TOR1A: variants seen among roughly 807,000 people sequenced by gnomAD.
TOR1A encodes torsin-1A.
TOR1A carries 18 observed loss-of-function variants against 31.4 expected under a neutral mutation model. The ratio of observed to expected loss-of-function variants is 0.57; its 90% confidence interval spans 0.40 to 0.85. The LOEUF is 0.85. TOR1A is among the 40% of genes least tolerant of loss of function. TOR1A has a pLI of 0.00. For missense variants in TOR1A, 375 were observed against 416.4 expected (o/e 0.90, Z 0.87); for synonymous variants, 168 against 165.9 (o/e 1.01, Z -0.10).
At chr9:129,818,467 T>TA in intron 4 of TOR1A, 53 bp downstream of exon 4, 1 of 1,611,162 alleles carries the variant, frequency 6.2e-7, no homozygotes, top group Admixed American at 1.7e-5. Context: ...TTTTAACACT[T>TA]AGGGTGCAGG....
intron 2 of TOR1A, among the ~76,000 whole-genome samples, chr9:129,820,815 T>C (rs1588217541): frequency 6.6e-6 from 1 of 152,154 alleles, no homozygotes; most frequent in South Asian, 2.1e-4. Flanking sequence ...CCCAGGCTGG[T>C]CTGGAACTCT....
In TOR1A at chr9:129,814,135, A is replaced by T; in HGVS notation, c.836T>A (p.Met279Lys). 1 of 1,614,112 alleles carries T rather than the reference A, an allele frequency of 6.2e-7. No homozygotes were observed. The highest frequency in any genetic ancestry group is 8.5e-7 in the Non-Finnish European group (1 of 1,180,016). Residue 279 changes from methionine to lysine, a missense_variant, in exon 5 of 5, where the codon ATG becomes AAG. Coordinates refer to ENST00000351698, the MANE Select transcript of TOR1A (RefSeq NM_000113.3). ...FLPLEYKHLK[M>K]CIRVEMQSRG... is the part of the protein sequence containing the mutation. ...GGACTGCATTTCCACTCGGATACAC[A>T]TTTTTAGGTGTTTGTATTCCAGGGG... is the stretch of plus-strand genomic sequence containing the variant.
rs772242731 is a variant in TOR1A at position 129,822,721 on chromosome 9, C to T, written c.304G>A (p.Gly102Arg). 9 of 1,614,172 alleles carry T rather than the reference C, an allele frequency of 5.6e-6. No homozygotes were observed. The highest frequency in any genetic ancestry group is 3.3e-5 in the South Asian group (3 of 91,082). The change falls in exon 2 of 5, where the codon GGG becomes AGG. Residue 102 changes from glycine (G) to arginine (R), a missense_variant. Transcript: ENST00000351698. ...AAATTTTTGCCGGTGCCTGTCCACCCGTGCAGGGAGAGCGTGAGAGGTTTC... is the reference window on the plus strand; with the variant it reads ...AAATTTTTGCCGGTGCCTGTCCACCTGTGCAGGGAGAGCGTGAGAGGTTTC... ...PKKPLTLSLH[G>R]WTGTGKNFVS...
chr9:129,815,684 A>C (rs559685423), intron 4 of TOR1A, among the ~76,000 whole-genome samples: 1 of 152,232 alleles, frequency 6.6e-6, no homozygotes, highest in East Asian at 1.9e-4. Context: ...GCCTCCCTGG[A>C]GCTTCGTGGC....
At chr9:129,816,895 G>C (rs1366079274) in intron 4 of TOR1A, among the ~76,000 whole-genome samples, 1 of 152,186 alleles carries the variant, frequency 6.6e-6, no homozygotes, top group African/African-American at 2.4e-5. Flanking sequence ...ACTAACTGTA[G>C]GATTAATTTC....
At chr9:129,817,684 G>C (rs2031072859) in intron 4 of TOR1A, among the ~76,000 whole-genome samples, 1 of 141,926 alleles carries the variant, frequency 7.0e-6, no homozygotes, top group Non-Finnish European at 1.5e-5. Context: ...GGGCAACAGA[G>C]CGAGACTCCA....
chr9:129,813,832 G>C lies in TOR1A; in HGVS notation c.*140C>G. On this transcript the variant is annotated 3_prime_UTR_variant, in exon 5 of 5. Transcript: ENST00000351698. ...CACCAGGGGGTGGAAACAATGCCAG[G>C]GAGAATTCCTGTCACATCAAACAGG... 7.5e-7 allele frequency: 1 copy of C among 1,330,088 alleles called. No homozygotes were observed. The highest frequency in any genetic ancestry group is 1.1e-6 in the Non-Finnish European group (1 of 949,572). The allele number at this position is 1,330,088 out of a possible 1,614,324, so 82.4% of individuals were successfully genotyped here. A position where few individuals can be genotyped will look rare whatever the true frequency, so the allele number is the denominator to read the frequency against.
intron 1 of TOR1A, chr9:129,823,573 C>G (rs11792751): frequency 2.8e-6 from 1 of 358,004 alleles, no homozygotes; most frequent in African/African-American, 2.2e-5. Context: ...TAGCCCGGCC[C>G]TACTGCCATC....
intron 2 of TOR1A, chr9:129,822,315 A>G: frequency 4.0e-6 from 2 of 503,460 alleles, no homozygotes; most frequent in Non-Finnish European, 7.3e-6. Context: ...GATCTCTAAG[A>G]TGGATTTGAT....
intron 2 of TOR1A, among the ~76,000 whole-genome samples, chr9:129,819,930 CA>C (rs1311597597): frequency 0.014 from 1,340 of 98,152 alleles, 19 homozygotes; most frequent in African/African-American, 0.049. Context: ...GACTCCGTCT[CA>C]AAAAAAAAAA....
chr9:129,820,439 T>C (rs1351075618), intron 2 of TOR1A, among the ~76,000 whole-genome samples: 2 of 152,174 alleles, frequency 1.3e-5, no homozygotes, highest in African/African-American at 4.8e-5. Context: ...AACATTTTAC[T>C]GTGACCTCCC....
rs771740989 is a variant in TOR1A, at chr9:129,818,899, G to C, written c.466C>G (p.Arg156Gly). Residue 156 changes from arginine (R) to glycine (G), a missense_variant, in exon 3 of 5, where the codon CGA (arginine) becomes GGA (glycine). Transcript: ENST00000351698. The part of the protein sequence containing the change: ...LYKDQLQLWI[R>G]GNVSACARSI... Reference sequence around the variant, plus strand: ...CTCGCACAGGCACTCACGTTGCCTCGAATCCACAACTGTAACTGATCCTGA... The same window carrying C: ...CTCGCACAGGCACTCACGTTGCCTCCAATCCACAACTGTAACTGATCCTGA... The C allele has an allele frequency of 6.2e-7, 1 of 1,613,434 alleles. No homozygotes were observed. Among genetic ancestry groups the C allele is most frequent in the Non-Finnish European group, 8.5e-7 (1 of 1,180,008 alleles).
chr9:129,821,002 G>A (rs12344717), intron 2 of TOR1A, among the ~76,000 whole-genome samples: 5,907 of 152,232 alleles, frequency 0.039, 325 homozygotes, highest in African/African-American at 0.13. Flanking sequence ...ATACAGTCAG[G>A]GATAAATAAC....
intron 3 of TOR1A, 38 bp from the exon 4 acceptor site, chr9:129,818,685 T>G (rs367697161): frequency 3.7e-6 from 6 of 1,614,050 alleles, no homozygotes; most frequent in Non-Finnish European, 5.1e-6. Flanking sequence ...CAGGGTTTTC[T>G]CCTGGAGCTC....
intron 4 of TOR1A, among the ~76,000 whole-genome samples, chr9:129,817,709 A>C (rs1025929050): frequency 6.6e-6 from 1 of 150,572 alleles, no homozygotes; most frequent in East Asian, 2.0e-4. Flanking sequence ...AAAAAAAAAA[A>C]AAAAACAGCA....
At chr9:129,819,837 C>T (rs149833126) in intron 2 of TOR1A, among the ~76,000 whole-genome samples, 8,871 of 149,998 alleles carry the variant, frequency 0.059, 610 homozygotes, top group African/African-American at 0.17. Flanking sequence ...GCTTGAGAAT[C>T]GCTGGAACCT....
intron 4 of TOR1A, 136 bp downstream of exon 4, chr9:129,818,384 A>T: frequency 7.3e-7 from 1 of 1,363,746 alleles, no homozygotes; most frequent in Non-Finnish European, 1.0e-6. Context: ...TCCCCTCATG[A>T]CTCGGAAGGG....
intron 1 of TOR1A, chr9:129,823,268 C>T: frequency 3.0e-6 from 1 of 330,468 alleles, no homozygotes; most frequent in East Asian, 7.9e-5. Flanking sequence ...GGGAGGTTAC[C>T]ACTGGTCCAC....
chr9:129,820,857 C>T (rs1236037362), intron 2 of TOR1A, among the ~76,000 whole-genome samples: 1 of 152,188 alleles, frequency 6.6e-6, no homozygotes, highest in African/African-American at 2.4e-5. Context: ...TTTTGGCTTC[C>T]CGTAGTGCTA....
Sources: allele counts gnomAD v4.1 joint callset (sites outside exome capture counted in the v4.1 genomes callset), GRCh38; gene constraint gnomAD v4.1.1; transcripts MANE v1.5; gene names NCBI Gene and HGNC (gene_info 2026-07-23, HGNC 2026-07-21).